The following SEZ6L variants were observed in gnomAD, a reference collection of about 807,000 sequenced individuals.
The protein encoded by SEZ6L is seizure 6-like protein.
In SEZ6L, 37 loss-of-function variants were observed where a neutral mutation model predicts 106.2. The ratio of observed to expected loss-of-function variants is 0.35; its 90% CI spans 0.27 to 0.46. The LOEUF (loss-of-function observed/expected upper bound fraction) is 0.46. Ranked by LOEUF, SEZ6L falls within the 20% of genes least tolerant of loss-of-function variation. The probability of loss-of-function intolerance (pLI) is 1.00; values close to 1 mark genes in which losing one functional copy is unlikely to be tolerated. For missense variants in SEZ6L, 1,172 were observed against 1,332.8 expected, an observed-to-expected ratio of 0.88 and a Z score of 1.88; for synonymous variants, 541 against 570.4, an observed-to-expected ratio of 0.95 and a Z score of 0.73.
intron 8 of SEZ6L, 47 bp from the exon 9 acceptor site, chr22:26,313,717 C>T (rs1327895687): frequency 1.3e-6 from 2 of 1,589,164 alleles, no homozygotes. Context: ...GCCACATTGA[C>T]TTCTTTACAA....
At chr22:26,379,782 A>T (rs2084354667) in intron 16 of SEZ6L, among the ~76,000 whole-genome samples, 1 of 152,266 alleles carries the variant, frequency 6.6e-6, no homozygotes, top group Non-Finnish European at 1.5e-5. Flanking sequence ...ACATGAATGA[A>T]TACTTATTAG....
rs1051954904 is a variant in SEZ6L, at chr22:26,375,612, G to A, written c.2865G>A (p.Gly955=). The part of the protein sequence containing the change: ...EAAAETSLEG[G]NMALAIFIPV... Reference sequence around the variant, plus strand: ...CAGCAGAGACGTCGCTGGAAGGGGGGAACATGGCCCTGGCTATCTTCATCC... The same window carrying A: ...CAGCAGAGACGTCGCTGGAAGGGGGAAACATGGCCCTGGCTATCTTCATCC... The change falls in exon 15 of 17, where the codon GGG becomes GGA. Residue 955 remains glycine, a synonymous_variant. Coordinates refer to ENST00000248933, the MANE Select transcript of SEZ6L (RefSeq NM_021115.5). The A allele has an allele frequency of 1.5e-5, 24 of 1,614,004 alleles. No homozygotes were observed. Among genetic ancestry groups the A allele is most frequent in the South Asian group, 3.3e-5 (3 of 91,082 alleles).
rs3222745 is a variant in SEZ6L at position 26,221,740 on chromosome 22, GCACACACACACACACA to G, written c.94+51995_94+52010del. Among the ~76,000 whole-genome samples the G allele has an allele frequency of 8.0e-5, 12 of 149,396 alleles. No homozygotes were observed. The South Asian group carries it at 1.5e-3, about 18-fold the overall frequency. On this transcript the variant is annotated intron_variant, in intron 1 of 16. Transcript: ENST00000248933. Reference sequence around the variant, plus strand: ...TGAATTCATGCGCGTGCACACGCGTGCACACACACACACACACACACACACACACACACTCCCTAGC... The same window carrying G: ...TGAATTCATGCGCGTGCACACGCGTGCACACACACACACACACTCCCTAGC...
intron 1 of SEZ6L, among the ~76,000 whole-genome samples, chr22:26,260,025 G>A (rs994848625): frequency 5.3e-5 from 8 of 152,168 alleles, no homozygotes; most frequent in African/African-American, 1.9e-4. Context: ...GATTTGGCAT[G>A]CTTAGGGTTA....
At chr22:26,280,722 C>T (rs1355615127) in intron 1 of SEZ6L, among the ~76,000 whole-genome samples, 1 of 152,114 alleles carries the variant, frequency 6.6e-6, no homozygotes, top group Non-Finnish European at 1.5e-5. Context: ...TAGGGTTGAA[C>T]CCAAGGGAAA....
chr22:26,264,011 C>A (rs2145824041), intron 1 of SEZ6L, among the ~76,000 whole-genome samples: 1 of 152,364 alleles, frequency 6.6e-6, no homozygotes, highest in Admixed American at 6.5e-5. Context: ...GTCCCCTCTA[C>A]CTCACGTGTG....
At chr22:26,357,484 C>T (rs2083475843) in intron 12 of SEZ6L, among the ~76,000 whole-genome samples, 2 of 152,188 alleles carry the variant, frequency 1.3e-5, no homozygotes, top group Admixed American at 1.3e-4. Context: ...GAAGTCCTCC[C>T]TGATTTCCTA....
At chr22:26,246,993 C>T in intron 1 of SEZ6L, among the ~76,000 whole-genome samples, 1 of 152,158 alleles carries the variant, frequency 6.6e-6, no homozygotes, top group East Asian at 1.9e-4. Context: ...GCTTTGCAGA[C>T]TCTAGAAGGC....
At chr22:26,185,207 A>G (rs1939690594) in intron 1 of SEZ6L, among the ~76,000 whole-genome samples, 1 of 152,248 alleles carries the variant, frequency 6.6e-6, no homozygotes, top group Admixed American at 6.5e-5. Flanking sequence ...GGATTCTGAG[A>G]GCATCTAGAA....
chr22:26,283,437 G>A (rs980301711), intron 1 of SEZ6L, among the ~76,000 whole-genome samples: 4 of 152,108 alleles, frequency 2.6e-5, no homozygotes, highest in African/African-American at 7.2e-5. Flanking sequence ...GAAAGCCCAC[G>A]GCTTCTAAGT....
chr22:26,338,867 C>CTTTTTTTTTTTTTTTTTTTTTTTTTTTTT (rs71192914), intron 9 of SEZ6L, among the ~76,000 whole-genome samples: 1 of 87,468 alleles, frequency 1.1e-5, no homozygotes, highest in Non-Finnish European at 2.0e-5. Flanking sequence ...TTTTTTTTTT[C>CTTTTTTTTTTTTTTTTTTTTTTTTTTTTT]TTTTTTTTTT....
rs185799621 is a variant in SEZ6L at position 26,232,996 on chromosome 22, C to T, written c.95-59410C>T. The stretch of plus-strand genomic sequence containing the variant: ...ACTCTGTCCTCCCCCGACACACACA[C>T]CCTTGTGTACTCAGCGGCGCTCCGC... On this transcript the variant is annotated intron_variant, in intron 1 of 16. Coordinates refer to ENST00000248933, the MANE Select transcript of SEZ6L (RefSeq NM_021115.5). Among the ~76,000 whole-genome samples, 60 of 152,372 alleles carry T rather than the reference C, an allele frequency of 3.9e-4. 1 individual carries two copies. The East Asian group carries it at 9.7e-3, about 25-fold the overall frequency.
intron 1 of SEZ6L, among the ~76,000 whole-genome samples, chr22:26,235,043 G>A (rs533657846): frequency 6.6e-6 from 1 of 152,284 alleles, no homozygotes; most frequent in East Asian, 1.9e-4. Flanking sequence ...TCACCATATT[G>A]CGTGTTCACT....
chr22:26,310,540 A>T, intron 6 of SEZ6L, 130 bp from the exon 7 acceptor site: 1 of 1,028,792 alleles, frequency 9.7e-7, no homozygotes, highest in East Asian at 2.6e-5. Context: ...CTGTCAAAAA[A>T]AAAGAGGCAG....
Position 26,221,191 on chromosome 22 carries a change from CT to C in SEZ6L, c.94+51429del, listed in dbSNP as rs773438493. Among the ~76,000 whole-genome samples, 8 of 152,068 alleles carry C rather than the reference CT, an allele frequency of 5.3e-5. No homozygotes were observed. In the East Asian group the frequency reaches 9.6e-4, roughly 18 times the overall value. ...TAGCTTACCCCCTGGCCTTATTCAC[CT>C]GACCTTCCCTTCATCCTTCAAACTG... On this transcript the variant is annotated intron_variant, in intron 1 of 16. Transcript: ENST00000248933.
At chr22:26,374,969 A>T (rs573762642) in intron 14 of SEZ6L, among the ~76,000 whole-genome samples, 1 of 152,130 alleles carries the variant, frequency 6.6e-6, no homozygotes, top group Admixed American at 6.5e-5. Context: ...TCAGTCCCCA[A>T]TGCTCAGAGC....
intron 1 of SEZ6L, among the ~76,000 whole-genome samples, chr22:26,211,096 A>G (rs901497219): frequency 5.3e-5 from 8 of 152,172 alleles, no homozygotes; most frequent in Non-Finnish European, 1.0e-4. Flanking sequence ...AAGCTTTGGA[A>G]GCCTCAAGCC....
At chr22:26,337,461 A>T (rs2082681965) in intron 9 of SEZ6L, among the ~76,000 whole-genome samples, 1 of 152,142 alleles carries the variant, frequency 6.6e-6, no homozygotes, top group Admixed American at 6.5e-5. Context: ...ACACTAGTCT[A>T]ATCCGGCACT....
At chr22:26,273,852 T>C (rs1259364246) in intron 1 of SEZ6L, among the ~76,000 whole-genome samples, 2 of 152,214 alleles carry the variant, frequency 1.3e-5, no homozygotes, top group African/African-American at 4.8e-5. Context: ...GAATAGACTC[T>C]GGACATTTTC....
Sources: gnomAD v4.1 joint callset for allele counts (sites outside exome capture counted in the v4.1 genomes callset) on GRCh38, gnomAD v4.1.1 for gene constraint, MANE v1.5 for transcripts, NCBI Gene and HGNC (gene_info 2026-07-23, HGNC 2026-07-21) for gene names.